The following CDK8 variants were observed in gnomAD, a reference collection of about 807,000 sequenced individuals.
CDK8 encodes cyclin-dependent kinase 8.
CDK8 carries 29 observed loss-of-function variants against 71.5 expected under a neutral mutation model. The ratio of observed to expected loss-of-function variants is 0.41; its 90% CI spans 0.30 to 0.55. The LOEUF is 0.55. Ranked by LOEUF, CDK8 falls within the 20% of genes least tolerant of loss-of-function variation. CDK8 has a pLI of 0.37. For synonymous variants in CDK8, 161 were observed against 192.1 expected (o/e 0.84, Z 1.34); for missense variants, 288 against 572.6 (o/e 0.50, Z 5.07).
chr13:26,264,528 G>A (rs1008027703), intron 1 of CDK8, among the ~76,000 whole-genome samples: 6 of 152,128 alleles, frequency 3.9e-5, no homozygotes, highest in Non-Finnish European at 5.9e-5. Flanking sequence ...ATTGGTTCTT[G>A]TACAAATTTA....
At chr13:26,344,258 G>C (rs1330482854) in intron 2 of CDK8, among the ~76,000 whole-genome samples, 1 of 152,076 alleles carries the variant, frequency 6.6e-6, no homozygotes, top group Non-Finnish European at 1.5e-5. Flanking sequence ...ATCATTCCGT[G>C]GTGTATATGT....
chr13:26,337,363 A>C (rs967042441), intron 1 of CDK8, among the ~76,000 whole-genome samples: 5 of 152,170 alleles, frequency 3.3e-5, no homozygotes, highest in African/African-American at 1.2e-4. Context: ...AAGTCTTTTT[A>C]TTCCTTTGAA....
chr13:26,353,173 C>T (rs1004812652), intron 3 of CDK8, among the ~76,000 whole-genome samples: 1 of 152,186 alleles, frequency 6.6e-6, no homozygotes, highest in African/African-American at 2.4e-5. Context: ...TGTCTAACAA[C>T]ATTATACATA....
intron 1 of CDK8, among the ~76,000 whole-genome samples, chr13:26,299,960 A>T (rs1197942889): frequency 1.3e-5 from 2 of 152,158 alleles, no homozygotes; most frequent in African/African-American, 4.8e-5. Flanking sequence ...TTCTTAGCTC[A>T]TGGTCAGTGC....
rs139119356 is a variant in CDK8, at chr13:26,295,701, A to G, written c.128+40932A>G. 2.9e-3 allele frequency among the ~76,000 whole-genome samples: 436 copies of G among 152,342 alleles called. 2 individuals are homozygous for G. Among genetic ancestry groups the G allele is most frequent in the Non-Finnish European group, 4.9e-3 (335 of 68,028 alleles). On this transcript the variant is annotated intron_variant, in intron 1 of 12. Coordinates refer to ENST00000381527, the MANE Select transcript of CDK8 (RefSeq NM_001260.3). ...CAGGAGTTCCTGGAATAGTAAAGTC[A>G]TTTTAAGTTGAAGAGTAAAACCATG... is the stretch of plus-strand genomic sequence containing the variant.
intron 2 of CDK8, among the ~76,000 whole-genome samples, chr13:26,337,848 A>G (rs181597495): frequency 4.6e-5 from 7 of 152,170 alleles, no homozygotes; most frequent in Admixed American, 3.3e-4. Context: ...GGTAAAGTAA[A>G]TTTCAGTTGT....
At chr13:26,335,111 A>G (rs1391601606) in intron 1 of CDK8, among the ~76,000 whole-genome samples, 2 of 152,152 alleles carry the variant, frequency 1.3e-5, no homozygotes, top group East Asian at 1.9e-4. Context: ...TTAAGAAATA[A>G]TAACTCTAAC....
chr13:26,324,176 T>G (rs1352522166), intron 1 of CDK8, among the ~76,000 whole-genome samples: 1 of 152,216 alleles, frequency 6.6e-6, no homozygotes, highest in Non-Finnish European at 1.5e-5. Context: ...TGGTCAGATA[T>G]TTTTGTTTAT....
At chr13:26,369,948 AAAAT>A (rs1874588547) in intron 4 of CDK8, among the ~76,000 whole-genome samples, 1 of 152,112 alleles carries the variant, frequency 6.6e-6, no homozygotes, top group Non-Finnish European at 1.5e-5. Flanking sequence ...TGAACATTTT[AAAAT>A]AAAGTACAAA....
At chr13:26,349,917 A>C (rs557590435) in intron 3 of CDK8, among the ~76,000 whole-genome samples, 11 of 152,300 alleles carry the variant, frequency 7.2e-5, no homozygotes, top group African/African-American at 2.6e-4. Flanking sequence ...GTGGTCTCCT[A>C]AGATTATAGT....
chr13:26,320,434 A>G (rs1874722784), intron 1 of CDK8, among the ~76,000 whole-genome samples: 1 of 152,010 alleles, frequency 6.6e-6, no homozygotes. Context: ...AAAAAGAAAC[A>G]AAAAAACAAT....
chr13:26,357,894 A>G (rs1593286087), intron 4 of CDK8, among the ~76,000 whole-genome samples: 1 of 152,350 alleles, frequency 6.6e-6, no homozygotes, highest in Non-Finnish European at 1.5e-5. Flanking sequence ...TGTTTTACTC[A>G]AAGTCCACTG....
At position 26,380,883 on chromosome 13, in the gene CDK8, C is replaced by T. The variant is rs17083969; in HGVS notation, c.457-1931C>T. ...CGCTCTACAGTTTTATTCTTCTAGT[C>T]CTTATTCACAGGAACTTTTTTTTAA... On this transcript the variant is annotated intron_variant, in intron 4 of 12. Transcript: ENST00000381527. 4.1e-3 allele frequency among the ~76,000 whole-genome samples: 617 copies of T among 152,298 alleles called. 5 individuals are homozygous for T. Among genetic ancestry groups the T allele is most frequent in the African/African-American group, 0.014 (566 of 41,578 alleles).
chr13:26,357,028 T>A (rs1274315001), intron 4 of CDK8, among the ~76,000 whole-genome samples: 1 of 152,158 alleles, frequency 6.6e-6, no homozygotes, highest in Non-Finnish European at 1.5e-5. Context: ...TACTCTGGAA[T>A]GTTATTGATG....
chr13:26,403,899 G>A (rs1200682839), intron 12 of CDK8, 57 bp from the exon 13 acceptor site: 1 of 1,589,868 alleles, frequency 6.3e-7, no homozygotes, highest in Non-Finnish European at 8.5e-7. Context: ...TCACATATTG[G>A]GATTGAGCTT....
At chr13:26,340,783 C>T (rs1593274854) in intron 2 of CDK8, among the ~76,000 whole-genome samples, 2 of 152,260 alleles carry the variant, frequency 1.3e-5, no homozygotes, top group East Asian at 3.9e-4. Flanking sequence ...TCCCCCAACC[C>T]TCTAGACTGT....
rs558947837 is a variant in CDK8, at chr13:26,381,582, TAGGA to T, written c.457-1228_457-1225del. Reference sequence around the variant, plus strand: ...TAAAATTACTTTCAGGATGATAAATTAGGAAGGGAGCCCCAGACTATTCAAAGAC... The same window carrying T: ...TAAAATTACTTTCAGGATGATAAATTAGGGAGCCCCAGACTATTCAAAGAC... On this transcript the variant is annotated intron_variant, in intron 4 of 12. Transcript: ENST00000381527. Among the ~76,000 whole-genome samples, 577 of 152,138 alleles carry T rather than the reference TAGGA, an allele frequency of 3.8e-3. 4 individuals carry two copies. The highest frequency in any genetic ancestry group is 0.013 in the African/African-American group (543 of 41,504).
intron 1 of CDK8, among the ~76,000 whole-genome samples, chr13:26,331,527 T>C (rs1875313801): frequency 6.6e-6 from 1 of 152,212 alleles, no homozygotes; most frequent in African/African-American, 2.4e-5. Flanking sequence ...ATCTTCTGCA[T>C]GTGGCTATCT....
At chr13:26,356,631 T>C (rs1439603802) in intron 4 of CDK8, among the ~76,000 whole-genome samples, 3 of 152,200 alleles carry the variant, frequency 2.0e-5, no homozygotes, top group Non-Finnish European at 1.5e-5. Flanking sequence ...TGTGAACACC[T>C]TCCTGCCAAC....
Sources: allele counts gnomAD v4.1 joint callset (sites outside exome capture counted in the v4.1 genomes callset), GRCh38; gene constraint gnomAD v4.1.1; transcripts MANE v1.5; gene names NCBI Gene and HGNC (gene_info 2026-07-23, HGNC 2026-07-21).